MAPRE2: variants seen among roughly 807,000 people sequenced by gnomAD.
MAPRE2 encodes microtubule-associated protein RP/EB family member 2.
In MAPRE2, 13 loss-of-function variants were observed where a neutral mutation model predicts 43.2. The observed-to-expected ratio is 0.30, with a 90% CI of 0.20 to 0.48. The LOEUF (loss-of-function observed/expected upper bound fraction) is 0.48, where lower values mean the gene tolerates loss of function less well. MAPRE2 is among the 20% of genes least tolerant of loss of function. The pLI is 0.99. For synonymous variants in MAPRE2, 135 were observed against 148.8 expected, an observed-to-expected ratio of 0.91 and a Z score of 0.68; for missense variants, 161 against 400.2, an observed-to-expected ratio of 0.40 and a Z score of 5.10.
chr18:35,062,421 A>T (rs978127132), intron 1 of MAPRE2, among the ~76,000 whole-genome samples: 2 of 152,256 alleles, frequency 1.3e-5, no homozygotes, highest in East Asian at 3.8e-4. Flanking sequence ...CAAAACGGCT[A>T]TTTCTGTTAG....
intron 1 of MAPRE2, chr18:34,984,322 T>C (rs1167646958): frequency 6.6e-6 from 1 of 152,172 alleles, no homozygotes; most frequent in Non-Finnish European, 1.5e-5. Context: ...AATGGGAGTT[T>C]GCTATGAGTT....
At chr18:35,033,999 A>T (rs1402503647) in intron 2 of MAPRE2, among the ~76,000 whole-genome samples, 2 of 151,610 alleles carry the variant, frequency 1.3e-5, no homozygotes, top group South Asian at 2.1e-4. Flanking sequence ...TCTTCACAGA[A>T]TTGGAAAAAA....
chr18:35,096,340 C>T (rs1009324067), intron 2 of MAPRE2, among the ~76,000 whole-genome samples: 1 of 152,144 alleles, frequency 6.6e-6, no homozygotes, highest in Admixed American at 6.6e-5. Flanking sequence ...CCTATTCTTG[C>T]CACTTGGTTT....
At chr18:35,133,606 C>T (rs553783927) in intron 6 of MAPRE2, among the ~76,000 whole-genome samples, 14 of 152,344 alleles carry the variant, frequency 9.2e-5, no homozygotes, top group African/African-American at 3.4e-4. Context: ...ATAACGCCTG[C>T]TAGTGGGAAT....
At chr18:35,114,633 A>G (rs529844315) in intron 4 of MAPRE2, among the ~76,000 whole-genome samples, 2 of 152,268 alleles carry the variant, frequency 1.3e-5, no homozygotes, top group East Asian at 3.9e-4. Context: ...TTTGAAAGTG[A>G]AGGATAGATG....
intron 1 of MAPRE2, among the ~76,000 whole-genome samples, chr18:35,063,843 G>C (rs1161525286): frequency 6.6e-6 from 1 of 151,466 alleles, no homozygotes; most frequent in Admixed American, 6.6e-5. Context: ...ACAAAAAAAT[G>C]AAAAGTAAGC....
chr18:35,034,981 A>G (rs1484654786), intron 2 of MAPRE2, among the ~76,000 whole-genome samples: 1 of 151,958 alleles, frequency 6.6e-6, no homozygotes, highest in African/African-American at 2.4e-5. Context: ...AGAACTAGAA[A>G]TACCATTTGA....
intron 4 of MAPRE2, among the ~76,000 whole-genome samples, chr18:35,120,635 G>A (rs1909627243): frequency 6.6e-6 from 1 of 152,180 alleles, no homozygotes; most frequent in South Asian, 2.1e-4. Context: ...GAGGGCTGTG[G>A]TGTCAGTTCA....
chr18:35,130,882 T>A (rs1910115829), intron 5 of MAPRE2, among the ~76,000 whole-genome samples: 1 of 152,180 alleles, frequency 6.6e-6, no homozygotes, highest in African/African-American at 2.4e-5. Context: ...GTCCGAGTTC[T>A]TGGACCCTCT....
chr18:35,005,983 G>A (rs539948919), intron 2 of MAPRE2, among the ~76,000 whole-genome samples: 1 of 152,256 alleles, frequency 6.6e-6, no homozygotes, highest in Admixed American at 6.5e-5. Flanking sequence ...GCGAGCGTGC[G>A]AGCATGTCTG....
chr18:34,984,917 ATAATATATTTTAT>A, intron 1 of MAPRE2, among the ~76,000 whole-genome samples: 1 of 8,708 alleles, frequency 1.1e-4, no homozygotes, highest in East Asian at 0.01. Context: ...TATATAATAT[ATAATATATTTTAT>A]GTTATATAAT....
chr18:35,081,411 T>C (rs973606697), intron 2 of MAPRE2, among the ~76,000 whole-genome samples: 4 of 152,204 alleles, frequency 2.6e-5, no homozygotes, highest in African/African-American at 9.6e-5. Flanking sequence ...AGTATCACAG[T>C]CTGCACGAAT....
intron 2 of MAPRE2, among the ~76,000 whole-genome samples, chr18:35,007,922 G>A (rs1228768415): frequency 6.6e-6 from 1 of 152,092 alleles, no homozygotes; most frequent in Non-Finnish European, 1.5e-5. Context: ...GGTATATGAA[G>A]CCAAAGGCAG....
intron 1 of MAPRE2, among the ~76,000 whole-genome samples, chr18:35,062,176 TG>T (rs1906567397): frequency 6.6e-6 from 1 of 152,212 alleles, no homozygotes. Flanking sequence ...ATGTCTGTGA[TG>T]GGACTGAATA....
At chr18:35,057,101 G>T (rs964003716) in intron 1 of MAPRE2, among the ~76,000 whole-genome samples, 2 of 151,950 alleles carry the variant, frequency 1.3e-5, no homozygotes, top group African/African-American at 4.8e-5. Flanking sequence ...TGCATCCTCC[G>T]CCCCCCTGGT....
At chr18:35,087,895 A>G (rs1168555757) in intron 2 of MAPRE2, among the ~76,000 whole-genome samples, 1 of 152,202 alleles carries the variant, frequency 6.6e-6, no homozygotes, top group Non-Finnish European at 1.5e-5. Context: ...TCAGGGAACC[A>G]GCATCTGGCA....
intron 2 of MAPRE2, among the ~76,000 whole-genome samples, chr18:35,011,768 A>G (rs532611788): frequency 6.6e-6 from 1 of 152,334 alleles, no homozygotes; most frequent in East Asian, 1.9e-4. Flanking sequence ...TTACTTTTGC[A>G]CCAACCTAAT....
intron 1 of MAPRE2, among the ~76,000 whole-genome samples, chr18:35,057,128 C>T (rs1252979368): frequency 1.3e-5 from 2 of 152,164 alleles, no homozygotes; most frequent in Non-Finnish European, 2.9e-5. Context: ...TATTCTCCTG[C>T]CTCAGCCTCC....
intron 2 of MAPRE2, among the ~76,000 whole-genome samples, chr18:35,075,341 A>G (rs2144114565): frequency 1.3e-5 from 2 of 152,226 alleles, no homozygotes; most frequent in South Asian, 4.1e-4. Context: ...AGATAGGTTG[A>G]TCCCAGCCTC....
Sources: allele counts gnomAD v4.1 joint callset (sites outside exome capture counted in the v4.1 genomes callset), GRCh38; gene constraint gnomAD v4.1.1; transcripts MANE v1.5; gene names NCBI Gene and HGNC (gene_info 2026-07-23, HGNC 2026-07-21).